Variants in PPP1R1C observed in about 807,000 individuals in gnomAD.
The protein encoded by PPP1R1C is protein phosphatase 1 regulatory inhibitor subunit 1C, also known as protein phosphatase 1 regulatory subunit 1C.
In PPP1R1C, 15 loss-of-function variants were observed where a neutral mutation model predicts 17.4. The observed-to-expected ratio is 0.86, with a 90% CI of 0.58 to 1.33. The LOEUF is 1.33. Among genes scored for constraint, PPP1R1C ranks in the 40% most tolerant of loss-of-function variants. The pLI is 0.00. For missense variants in PPP1R1C, 143 were observed against 130.0 expected (o/e 1.10, Z -0.48); for synonymous variants, 35 against 43.1 (o/e 0.81, Z 0.73).
intron 2 of PPP1R1C, among the ~76,000 whole-genome samples, chr2:182,040,680 T>G (rs576164925): frequency 6.6e-6 from 1 of 152,184 alleles, no homozygotes; most frequent in Non-Finnish European, 1.5e-5. Flanking sequence ...TTATATATTT[T>G]TGTTTTTGTT....
At chr2:182,019,051 C>G (rs954848458) in intron 2 of PPP1R1C, among the ~76,000 whole-genome samples, 1 of 152,074 alleles carries the variant, frequency 6.6e-6, no homozygotes, top group African/African-American at 2.4e-5. Context: ...GTGAATGCAA[C>G]ATTACATTAC....
intron 2 of PPP1R1C, among the ~76,000 whole-genome samples, chr2:182,025,083 A>G (rs1261447127): frequency 6.6e-6 from 1 of 150,942 alleles, no homozygotes; most frequent in Non-Finnish European, 1.5e-5. Flanking sequence ...TTGTGCAAAA[A>G]ATAAAACAGG....
chr2:182,088,014 A>G (rs115914991), intron 4 of PPP1R1C, among the ~76,000 whole-genome samples: 188 of 152,344 alleles, frequency 1.2e-3, no homozygotes, highest in Non-Finnish European at 1.5e-3. Flanking sequence ...TTCCAGAAGA[A>G]GAATGATCTC....
At chr2:182,124,328 T>TTTTTTTTTTTTTTTTTTTTTTTTTG (rs1689817983) in intron 5 of PPP1R1C, among the ~76,000 whole-genome samples, 1 of 55,596 alleles carries the variant, frequency 1.8e-5, no homozygotes, top group Non-Finnish European at 4.9e-5. Flanking sequence ...TTTTTTTTTG[T>TTTTTTTTTTTTTTTTTTTTTTTTTG]TTTTTTTTTT....
At chr2:181,971,233 C>A (rs1685000909) in intron 1 of PPP1R1C, among the ~76,000 whole-genome samples, 1 of 152,202 alleles carries the variant, frequency 6.6e-6, no homozygotes, top group Non-Finnish European at 1.5e-5. Context: ...ACAGCGAGTA[C>A]TGCCTATCAC....
downstream of PPP1R1C, among the ~76,000 whole-genome samples, chr2:182,121,978 T>C (rs1350560697): frequency 6.6e-6 from 1 of 152,202 alleles, no homozygotes; most frequent in Non-Finnish European, 1.5e-5. Flanking sequence ...CATCAGTTCC[T>C]CCCAAACTTC....
At chr2:181,985,749 C>G (rs185529736), upstream of PPP1R1C, 1 of 275,016 alleles carries the variant, frequency 3.6e-6, no homozygotes, top group East Asian at 7.9e-5. The surrounding 1 kb of genome is among the most constrained non-coding windows in gnomAD (Gnocchi z 4.1). Flanking sequence ...GCCTTTCTTT[C>G]AAATCCCAGG....
chr2:182,067,862 G>A (rs1196168), intron 4 of PPP1R1C, among the ~76,000 whole-genome samples: 177 of 152,090 alleles, frequency 1.2e-3, no homozygotes, highest in African/African-American at 4.0e-3. Flanking sequence ...TATTAGTTTC[G>A]GACACTCAGA....
intron 2 of PPP1R1C, among the ~76,000 whole-genome samples, chr2:182,011,362 G>A (rs1395367317): frequency 6.6e-6 from 1 of 151,948 alleles, no homozygotes; most frequent in Non-Finnish European, 1.5e-5. Flanking sequence ...ATGTGTCTAG[G>A]AATTTATCCA....
At chr2:182,110,492 T>A (rs1216682779) in intron 4 of PPP1R1C, among the ~76,000 whole-genome samples, 1 of 152,096 alleles carries the variant, frequency 6.6e-6, no homozygotes, top group Admixed American at 6.6e-5. Flanking sequence ...AGCTGGGTGA[T>A]TGAATTATGT....
At chr2:182,090,226 A>G (rs1207047438) in intron 4 of PPP1R1C, among the ~76,000 whole-genome samples, 1 of 151,634 alleles carries the variant, frequency 6.6e-6, no homozygotes, top group Non-Finnish European at 1.5e-5. Flanking sequence ...TAAAGCCAAA[A>G]TTCATTTTAT....
At chr2:182,061,352 C>A in intron 2 of PPP1R1C, 90 bp from the exon 3 acceptor site, 2 of 915,326 alleles carry the variant, frequency 2.2e-6, no homozygotes, top group South Asian at 1.8e-5. Flanking sequence ...ATTATTAAAT[C>A]ATTTTTATCC....
At chr2:182,115,948 A>G (rs905947597) in intron 4 of PPP1R1C, among the ~76,000 whole-genome samples, 2 of 152,194 alleles carry the variant, frequency 1.3e-5, no homozygotes, top group South Asian at 4.1e-4. Flanking sequence ...CTAATTTTAT[A>G]AGGTACAAAA....
In PPP1R1C at chr2:181,967,750, T is replaced by A. The variant is rs146666092; in HGVS notation, n.112-7469T>A. Reference sequence around the variant, plus strand: ...TCTTTTCTGAGATGGAGTTTCACTCTTGTTGCCCAGGCTGGAGTGCAATGG... The same window carrying A: ...TCTTTTCTGAGATGGAGTTTCACTCATGTTGCCCAGGCTGGAGTGCAATGG... On this transcript the variant is annotated intron_variant and non_coding_transcript_variant, in intron 1 of 5. Coordinates refer to the PPP1R1C transcript ENST00000464264. The surrounding 1 kb of genome is among the most constrained non-coding windows in gnomAD (Gnocchi z 5.5). Among the ~76,000 whole-genome samples the A allele has an allele frequency of 3.9e-3, 600 of 152,130 alleles. 6 individuals are homozygous for A. Among genetic ancestry groups the A allele is most frequent in the African/African-American group, 0.014 (575 of 41,516 alleles).
chr2:182,007,098 CTAGA>C (rs1196741621), intron 2 of PPP1R1C, among the ~76,000 whole-genome samples: 1 of 152,102 alleles, frequency 6.6e-6, no homozygotes, highest in African/African-American at 2.4e-5. Context: ...CATGATCTAG[CTAGA>C]TAAAGGGCTA....
At chr2:182,099,742 C>A (rs1196505587) in intron 4 of PPP1R1C, among the ~76,000 whole-genome samples, 1 of 152,170 alleles carries the variant, frequency 6.6e-6, no homozygotes, top group Non-Finnish European at 1.5e-5. Context: ...CTTTTAAAGT[C>A]TTGTGCTATC....
intron 1 of PPP1R1C, among the ~76,000 whole-genome samples, chr2:181,958,490 C>T (rs919630791): frequency 3.3e-5 from 5 of 151,866 alleles, no homozygotes; most frequent in Non-Finnish European, 5.9e-5. Context: ...GGATGAAGCA[C>T]CATCTGTATA....
chr2:182,124,314 G>GTTTTTTTTTTTTT (rs796745919), intron 5 of PPP1R1C, among the ~76,000 whole-genome samples: 2 of 42,050 alleles, frequency 4.8e-5, no homozygotes, highest in Non-Finnish European at 1.2e-4. Context: ...GTTTTTTTTT[G>GTTTTTTTTTTTTT]TTTTTTTTTT....
rs1165789924 is a variant in PPP1R1C, at chr2:182,076,197, C to CTTTTTTTTTT, written c.241+12438_241+12447dup. On this transcript the variant is annotated intron_variant, in intron 4 of 4. Transcript: ENST00000682840. ...GATTTTGAACTTTTTTTTTTCTTTT[C>CTTTTTTTTTT]TTTTTTTTTTTTTTTTTTTTTTTTT... Among the ~76,000 whole-genome samples the CTTTTTTTTTT allele has an allele frequency of 3.6e-3, 93 of 25,856 alleles. 20 individuals carry two copies. The highest frequency in any genetic ancestry group is 0.11 in the Middle Eastern group (2 of 18). The allele number at this position is 25,856 out of a possible 152,430, so 17.0% of individuals were successfully genotyped here.
Sources: allele counts gnomAD v4.1 joint callset (sites outside exome capture counted in the v4.1 genomes callset), GRCh38; gene constraint gnomAD v4.1.1; non-coding constraint Gnocchi (gnomAD v3.1); transcripts MANE v1.5; gene names NCBI Gene and HGNC (gene_info 2026-07-23, HGNC 2026-07-21).